Variants in HPSE2 observed in about 807,000 individuals in gnomAD.
HPSE2 encodes inactive heparanase-2.
HPSE2 carries 38 observed loss-of-function variants against 60.5 expected under a neutral mutation model. The observed-to-expected ratio is 0.63, with a 90% CI of 0.48 to 0.82. HPSE2 has a LOEUF of 0.82. Among genes scored for constraint, HPSE2 ranks in the 40% least tolerant of loss-of-function variants. The pLI is 0.00. For missense variants in HPSE2, 713 were observed against 740.4 expected, an observed-to-expected ratio of 0.96 and a Z score of 0.43; for synonymous variants, 295 against 293.2, an observed-to-expected ratio of 1.01 and a Z score of -0.06.
chr10:99,224,218 G>A (rs1564905683), intron 2 of HPSE2, among the ~76,000 whole-genome samples: 1 of 151,968 alleles, frequency 6.6e-6, no homozygotes, highest in African/African-American at 2.4e-5. Context: ...GAATGGAACT[G>A]AACTCAACTC....
rs745390208 is a variant in HPSE2 at position 98,931,810 on chromosome 10, T to A, written c.611-187754A>T. Among the ~76,000 whole-genome samples the A allele has an allele frequency of 1.5e-4, 22 of 143,996 alleles. 2 individuals are homozygous for A. Among genetic ancestry groups the A allele is most frequent in the Non-Finnish European group, 2.1e-4 (14 of 67,208 alleles). 94.5% of individuals were successfully genotyped at this position (143,996 alleles called of 152,430 possible). On this transcript the variant is annotated intron_variant, in intron 3 of 11. Transcript: ENST00000370552. ...TAGGAATGCTTGTGATTTCTGCACA[T>A]TGATTTTATATCCTGAGACTTTGCT...
rs543851762 is a variant in HPSE2 at position 98,767,698 on chromosome 10, C to T, written c.611-23642G>A. On this transcript the variant is annotated intron_variant, in intron 3 of 11. Coordinates refer to ENST00000370552, the MANE Select transcript of HPSE2 (RefSeq NM_021828.5). ...TATAAATTATATCAATATTTTTATA[C>T]ATGATATATAATAAATTCATATATA... is the stretch of plus-strand genomic sequence containing the variant. 9.7e-5 allele frequency among the ~76,000 whole-genome samples: 14 copies of T among 144,266 alleles called. No individual in the cohort carries two copies. The East Asian group carries it at 2.0e-3, about 21-fold the overall frequency. 94.6% of individuals were successfully genotyped at this position (144,266 alleles called of 152,430 possible). A position where few individuals can be genotyped will look rare whatever the true frequency, so the allele number is the denominator to read the frequency against.
At chr10:98,873,414 G>T (rs139388577) in intron 3 of HPSE2, among the ~76,000 whole-genome samples, 2,225 of 151,970 alleles carry the variant, frequency 0.015, 50 homozygotes, top group African/African-American at 0.05. Context: ...GTGTCCATGT[G>T]TTCTCATTGC....
At chr10:99,186,404 G>A (rs1451802681) in intron 2 of HPSE2, among the ~76,000 whole-genome samples, 1 of 151,674 alleles carries the variant, frequency 6.6e-6, no homozygotes, top group East Asian at 1.9e-4. Context: ...TTAGTCAGGC[G>A]TGGTGTCAGG....
the HPSE2 span, among the ~76,000 whole-genome samples, chr10:99,301,529 GAACTGTAAGTCC>G: frequency 6.6e-6 from 1 of 152,206 alleles, no homozygotes; most frequent in African/African-American, 2.4e-5. Flanking sequence ...CAGCCACATG[GAACTGTAAGTCC>G]AATTAAACCT....
intron 2 of HPSE2, among the ~76,000 whole-genome samples, chr10:99,213,993 T>A (rs1295924232): frequency 2.0e-5 from 3 of 152,144 alleles, no homozygotes; most frequent in South Asian, 4.1e-4. Context: ...TATGAAAAAC[T>A]CTTACAACTC....
At chr10:98,802,758 G>C (rs1950945375) in intron 3 of HPSE2, among the ~76,000 whole-genome samples, 1 of 144,640 alleles carries the variant, frequency 6.9e-6, no homozygotes, top group African/African-American at 2.6e-5. Context: ...CTTTGCTATT[G>C]TGAATAGTGC....
chr10:98,825,205 G>A (rs1205145828), intron 3 of HPSE2, among the ~76,000 whole-genome samples: 2 of 151,896 alleles, frequency 1.3e-5, no homozygotes, highest in African/African-American at 4.8e-5. Context: ...GTGGGGAGAG[G>A]GAAAAAATGC....
At chr10:99,081,607 ATG>A (rs1843140964) in intron 3 of HPSE2, among the ~76,000 whole-genome samples, 1 of 151,156 alleles carries the variant, frequency 6.6e-6, no homozygotes, top group African/African-American at 2.4e-5. Context: ...GATGATGATG[ATG>A]ATGATGATGA....
chr10:99,054,226 T>C (rs932745946), intron 3 of HPSE2, among the ~76,000 whole-genome samples: 1 of 152,290 alleles, frequency 6.6e-6, no homozygotes, highest in East Asian at 1.9e-4. Flanking sequence ...CACAGTTAGA[T>C]AGTGCTAGGT....
intron 5 of HPSE2, among the ~76,000 whole-genome samples, chr10:98,709,710 G>A (rs1001367464): frequency 6.6e-6 from 1 of 152,190 alleles, no homozygotes; most frequent in Non-Finnish European, 1.5e-5. Context: ...AAATCTAGGA[G>A]AATTTCTTTC....
chr10:98,605,122 A>T (rs1945540857), intron 9 of HPSE2, among the ~76,000 whole-genome samples: 1 of 152,198 alleles, frequency 6.6e-6, no homozygotes, highest in Non-Finnish European at 1.5e-5. Context: ...CCTTCCAGCC[A>T]GTAGTAATAT....
At chr10:99,043,187 T>C (rs1283684909) in intron 3 of HPSE2, among the ~76,000 whole-genome samples, 4 of 152,176 alleles carry the variant, frequency 2.6e-5, no homozygotes, top group Non-Finnish European at 5.9e-5. Flanking sequence ...CCAACAATGG[T>C]TCTTAAACAG....
At chr10:99,011,798 A>C (rs1957023923) in intron 3 of HPSE2, among the ~76,000 whole-genome samples, 1 of 151,002 alleles carries the variant, frequency 6.6e-6, no homozygotes, top group Admixed American at 6.6e-5. Context: ...CATAAAGAGT[A>C]TTTTGGGTCA....
chr10:98,898,614 G>T (rs933517991), intron 3 of HPSE2, among the ~76,000 whole-genome samples: 1 of 152,026 alleles, frequency 6.6e-6, no homozygotes, highest in African/African-American at 2.4e-5. Flanking sequence ...TTTTTTTAGG[G>T]TGATGAAACT....
intron 3 of HPSE2, among the ~76,000 whole-genome samples, chr10:99,130,436 A>G (rs12782023): frequency 0.49 from 74,895 of 151,986 alleles, 20,930 homozygotes; most frequent in East Asian, 0.65. Flanking sequence ...CACTATGATC[A>G]AGTGGGTTTC....
chr10:99,224,048 T>C lies in HPSE2; in HGVS notation c.448+8300A>G, dbSNP rs74669941. On this transcript the variant is annotated intron_variant, in intron 2 of 11. Coordinates refer to ENST00000370552, the MANE Select transcript of HPSE2 (RefSeq NM_021828.5). ...TACTACAAAATTTATGTTTAATATA[T>C]AAGATCACAGCACTCTTGAGAGTAC... is the stretch of plus-strand genomic sequence containing the variant. Among the ~76,000 whole-genome samples the C allele has an allele frequency of 1.0e-3, 154 of 152,210 alleles. 1 individual carries two copies. Among genetic ancestry groups the C allele is most frequent in the African/African-American group, 3.5e-3 (147 of 41,554 alleles).
intron 9 of HPSE2, among the ~76,000 whole-genome samples, chr10:98,507,048 G>A (rs567838831): frequency 2.6e-5 from 4 of 152,246 alleles, no homozygotes; most frequent in Admixed American, 1.3e-4. Context: ...TAAAATTAGC[G>A]CATGCATATT....
intron 2 of HPSE2, among the ~76,000 whole-genome samples, chr10:99,210,774 C>T (rs538965335): frequency 2.4e-4 from 36 of 152,228 alleles, no homozygotes; most frequent in African/African-American, 7.9e-4. Flanking sequence ...TGTACCACCA[C>T]ACAATAAAGG....
Sources: allele counts gnomAD v4.1 joint callset (sites outside exome capture counted in the v4.1 genomes callset), GRCh38; gene constraint gnomAD v4.1.1; transcripts MANE v1.5; gene names NCBI Gene and HGNC (gene_info 2026-07-23, HGNC 2026-07-21).